The following RAB33A variants were observed in gnomAD, a reference collection of about 807,000 sequenced individuals.
RAB33A encodes ras-related protein Rab-33A.
A neutral mutation model predicts 12.0 loss-of-function variants in RAB33A; 6 were observed. The ratio of observed to expected loss-of-function variants is 0.50; its 90% CI spans 0.27 to 0.99. RAB33A has a LOEUF of 0.99. Ranked by LOEUF, RAB33A falls within the 50% of genes least tolerant of loss-of-function variation. RAB33A has a pLI of 0.11. For synonymous variants in RAB33A, 70 were observed against 82.4 expected (o/e 0.85, Z 0.81); for missense variants, 109 against 192.0 (o/e 0.57, Z 2.55).
the RAB33A span, chrX:130,155,142 T>C: frequency 8.3e-7 from 1 of 1,211,095 alleles, no homozygotes; most frequent in African/African-American, 1.7e-5. Context: ...TATGTTTTAG[T>C]GTAAGCATCT....
chrX:130,162,168 C>G, the RAB33A span, among the ~76,000 whole-genome samples: 1 of 111,871 alleles, frequency 8.9e-6, no homozygotes, highest in Non-Finnish European at 1.9e-5. Context: ...AATCCATGTC[C>G]TCAGGTAGTG....
At chrX:130,113,077 CT>C in the RAB33A span, among the ~76,000 whole-genome samples, 13 of 46,976 alleles carry the variant, frequency 2.8e-4, no homozygotes, top group African/African-American at 6.7e-4. Context: ...TTTTTTCCTT[CT>C]TTTTTTTTTT....
the RAB33A span, chrX:130,149,407 A>C: frequency 4.1e-6 from 4 of 967,390 alleles, no homozygotes; most frequent in Non-Finnish European, 5.9e-6. Context: ...ACAGCACCCA[A>C]ACTGTTTATA....
At chrX:130,178,713 G>A (rs953509133) in intron 1 of RAB33A, among the ~76,000 whole-genome samples, 6 of 109,366 alleles carry the variant, frequency 5.5e-5, no homozygotes, top group Non-Finnish European at 9.5e-5. Flanking sequence ...GTGCAGTGGC[G>A]CCATCTCGAC....
the RAB33A span, among the ~76,000 whole-genome samples, chrX:130,128,261 A>T: frequency 9.0e-6 from 1 of 111,591 alleles, no homozygotes; most frequent in Non-Finnish European, 1.9e-5. Flanking sequence ...GTAGTAACAA[A>T]TTCCTCTTAA....
At chrX:130,137,462 A>G in the RAB33A span, 11 of 1,166,132 alleles carry the variant, frequency 9.4e-6, no homozygotes, top group East Asian at 3.3e-5. Flanking sequence ...TAAGGCTTAC[A>G]TAAGTGCTTT....
Position 130,172,283 on chromosome X carries a change from G to A in RAB33A, c.221G>A (p.Arg74Lys), listed in dbSNP as rs1460022796. Residue 74 changes from arginine to lysine, a missense_variant, in exon 1 of 2, where the codon AGG (arginine) becomes AAG (lysine). Coordinates refer to ENST00000257017, the MANE Select transcript of RAB33A (RefSeq NM_004794.3). ...GAAGCCACCATCGGCGTGGACTTCA[G>A]GGAGAAGACCGTGGAAATCGAGGGC... ...KTEATIGVDF[R>K]EKTVEIEGEK... 2.5e-6 allele frequency: 3 copies of A among 1,209,012 alleles called. No homozygotes were observed. The highest frequency in any genetic ancestry group is 3.4e-6 in the Non-Finnish European group (3 of 894,180).
chrX:130,171,234 A>T (rs1182301387), upstream of RAB33A, among the ~76,000 whole-genome samples: 1 of 112,657 alleles, frequency 8.9e-6, no homozygotes, highest in East Asian at 2.8e-4. Context: ...GCGGCCTCCC[A>T]GGCTGCCTGG....
the RAB33A span, among the ~76,000 whole-genome samples, chrX:130,162,252 A>C: frequency 8.9e-6 from 1 of 112,206 alleles, no homozygotes; most frequent in African/African-American, 3.2e-5. Context: ...AAGAGACTCC[A>C]GATTGCTCAG....
the RAB33A span, among the ~76,000 whole-genome samples, chrX:130,110,909 C>A: frequency 1.0e-5 from 1 of 97,899 alleles, no homozygotes; most frequent in African/African-American, 3.7e-5. Context: ...ACACACACGT[C>A]CCCGCAGGCG....
chrX:130,171,988 G>A lies in RAB33A; in HGVS notation c.-75G>A, dbSNP rs2124685062. 3.7e-6 allele frequency: 4 copies of A among 1,071,824 alleles called. No homozygotes were observed. The highest frequency in any genetic ancestry group is 3.3e-5 in the East Asian group (1 of 30,613). 88.3% of individuals were successfully genotyped at this position (1,071,824 alleles called of 1,213,427 possible). Reference sequence around the variant, plus strand: ...CACACGCACAGAGCTCGCTCGCCTCGAGCGCACGAACGTGGACGTTCTCTT... The same window carrying A: ...CACACGCACAGAGCTCGCTCGCCTCAAGCGCACGAACGTGGACGTTCTCTT... On this transcript the variant is annotated 5_prime_UTR_variant, in exon 1 of 2. Transcript: ENST00000257017.
At chrX:130,162,743 T>C in the RAB33A span, among the ~76,000 whole-genome samples, 1 of 111,633 alleles carries the variant, frequency 9.0e-6, no homozygotes, top group African/African-American at 3.3e-5. Flanking sequence ...CGTTCAAACA[T>C]TTGAACCTAA....
At chrX:130,155,235 C>T in the RAB33A span, 1 of 1,209,094 alleles carries the variant, frequency 8.3e-7, no homozygotes, top group Non-Finnish European at 1.1e-6. Flanking sequence ...CCCAGAAGCA[C>T]CTGTAGATGC....
chrX:130,154,544 G>A, the RAB33A span, among the ~76,000 whole-genome samples: 15 of 112,202 alleles, frequency 1.3e-4, no homozygotes, highest in Non-Finnish European at 2.4e-4. Flanking sequence ...AGCTTGTACC[G>A]CTTCAGCCAC....
chrX:130,154,597 G>C, the RAB33A span, among the ~76,000 whole-genome samples: 1 of 112,182 alleles, frequency 8.9e-6, no homozygotes, highest in African/African-American at 3.2e-5. Context: ...ACTGCCAAAT[G>C]AATTTACTTT....
At chrX:130,164,748 G>A in the RAB33A span, among the ~76,000 whole-genome samples, 2 of 111,572 alleles carry the variant, frequency 1.8e-5, no homozygotes, top group African/African-American at 6.5e-5. Context: ...TTGCAGCGAA[G>A]GGATTAAGGA....
rs771659328 is a variant in RAB33A, at chrX:130,172,071, G to A, written c.9G>A (p.Gln3=). Residue 3 remains glutamine, a synonymous_variant, in exon 1 of 2, where the codon CAG becomes CAA. Coordinates refer to ENST00000257017, the MANE Select transcript of RAB33A (RefSeq NM_004794.3). The part of the protein sequence containing the change: MA[Q]PILGHGSLQP... Reference sequence around the variant, plus strand: ...GGTTCGGTCCGGGGGAGATGGCGCAGCCCATCCTGGGCCATGGGAGCCTGC... The same window carrying A: ...GGTTCGGTCCGGGGGAGATGGCGCAACCCATCCTGGGCCATGGGAGCCTGC... 7 of 1,206,730 alleles carry A rather than the reference G, an allele frequency of 5.8e-6. No individual in the cohort carries two copies. The highest frequency in any genetic ancestry group is 6.7e-6 in the Non-Finnish European group (6 of 893,422).
chrX:130,182,517 A>C (rs2031742495), intron 1 of RAB33A, among the ~76,000 whole-genome samples: 1 of 109,313 alleles, frequency 9.1e-6, no homozygotes, highest in African/African-American at 3.3e-5. Context: ...CTCTTTGGGA[A>C]GCCGAGGCAG....
At chrX:130,113,077 CTT>C in the RAB33A span, among the ~76,000 whole-genome samples, 1 of 46,994 alleles carries the variant, frequency 2.1e-5, no homozygotes, top group Non-Finnish European at 3.6e-5. Flanking sequence ...TTTTTTCCTT[CTT>C]TTTTTTTTTT....
Sources: gnomAD v4.1 joint callset for allele counts (sites outside exome capture counted in the v4.1 genomes callset) on GRCh38, gnomAD v4.1.1 for gene constraint, MANE v1.5 for transcripts, NCBI Gene and HGNC (gene_info 2026-07-23, HGNC 2026-07-21) for gene names.